CAMTA1: variants seen among roughly 807,000 people sequenced by gnomAD.
CAMTA1 encodes calmodulin-binding transcription activator 1.
CAMTA1 carries 27 observed loss-of-function variants against 170.9 expected under a neutral mutation model. That is an observed-to-expected ratio of 0.16 (90% CI 0.12 to 0.22). CAMTA1 has a LOEUF of 0.22. Ranked by LOEUF, CAMTA1 falls within the 10% of genes least tolerant of loss-of-function variation. The pLI, the probability that CAMTA1 is intolerant of heterozygous loss-of-function variation, is 1.00. For missense variants in CAMTA1, 1,619 were observed against 2,217.2 expected, an observed-to-expected ratio of 0.73 and a Z score of 5.42; for synonymous variants, 833 against 891.5, an observed-to-expected ratio of 0.93 and a Z score of 1.17.
At position 6,918,835 on chromosome 1, in the gene CAMTA1, G is replaced by A. The variant is rs2149311400; in HGVS notation, c.234+93625G>A. On this transcript the variant is annotated intron_variant, in intron 3 of 22. Coordinates refer to ENST00000303635, the MANE Select transcript of CAMTA1 (RefSeq NM_015215.4). This position sits in a 1 kb window ranked among gnomAD's most constrained non-coding sequence, Gnocchi z 4.0. ...GGAGGGTGGCTTGCTGCCACTTGAT[G>A]CAGAGAAGAAAGGAGGGTCTGAATC... 6.6e-6 allele frequency among the ~76,000 whole-genome samples: 1 copy of A among 152,296 alleles called. No individual in the cohort carries two copies. Among genetic ancestry groups the A allele is most frequent in the South Asian group, 2.1e-4 (1 of 4,828 alleles).
chr1:6,806,500 AC>A (rs1644523460), intron 1 of CAMTA1, among the ~76,000 whole-genome samples: 1 of 152,194 alleles, frequency 6.6e-6, no homozygotes, highest in Admixed American at 6.5e-5. Flanking sequence ...GTCCTGGCTA[AC>A]TCAGACACCC....
At chr1:7,653,861 A>C (rs2095862588) in intron 7 of CAMTA1, among the ~76,000 whole-genome samples, 1 of 152,018 alleles carries the variant, frequency 6.6e-6, no homozygotes, top group Non-Finnish European at 1.5e-5. Flanking sequence ...CAGGATCCAA[A>C]CTCCAGCTCC....
At chr1:7,154,375 G>C (rs1193392971) in intron 4 of CAMTA1, among the ~76,000 whole-genome samples, 1 of 152,102 alleles carries the variant, frequency 6.6e-6, no homozygotes, top group East Asian at 1.9e-4. Flanking sequence ...GCCTGTCTTA[G>C]ATTTCCTCTC....
chr1:7,507,862 C>A (rs1222036815), intron 6 of CAMTA1, among the ~76,000 whole-genome samples: 1 of 152,348 alleles, frequency 6.6e-6, no homozygotes, highest in South Asian at 2.1e-4. Flanking sequence ...CGGGTCTTCC[C>A]AGCTGGGCAC....
intron 6 of CAMTA1, among the ~76,000 whole-genome samples, chr1:7,502,319 T>C (rs578171733): frequency 6.6e-6 from 1 of 152,280 alleles, no homozygotes; most frequent in South Asian, 2.1e-4. Flanking sequence ...GGAAGGAACA[T>C]TTGCAGTCAG....
chr1:7,522,784 A>AAT (rs2094382798), intron 6 of CAMTA1, among the ~76,000 whole-genome samples: 1 of 152,114 alleles, frequency 6.6e-6, no homozygotes, highest in Non-Finnish European at 1.5e-5. Flanking sequence ...CCTCCATTTA[A>AAT]TTGCTTTTGT....
At chr1:7,495,218 A>T (rs1371662385) in intron 6 of CAMTA1, among the ~76,000 whole-genome samples, 1 of 152,218 alleles carries the variant, frequency 6.6e-6, no homozygotes, top group Non-Finnish European at 1.5e-5. Flanking sequence ...GAGACGGAAG[A>T]TCTGGAGAGT....
intron 3 of CAMTA1, among the ~76,000 whole-genome samples, chr1:6,976,918 A>G (rs1262779178): frequency 6.6e-6 from 1 of 152,056 alleles, no homozygotes; most frequent in East Asian, 1.9e-4. Context: ...ACAAAATCTG[A>G]TGGTTTTATA....
intron 5 of CAMTA1, among the ~76,000 whole-genome samples, chr1:7,306,849 TAAC>T (rs1191856927): frequency 4.6e-5 from 7 of 151,604 alleles, no homozygotes; most frequent in Admixed American, 1.3e-4. Context: ...TCAGAAAAAA[TAAC>T]AACAATAACA....
At chr1:7,123,343 C>T (rs575052411) in intron 4 of CAMTA1, among the ~76,000 whole-genome samples, 2 of 152,282 alleles carry the variant, frequency 1.3e-5, no homozygotes, top group South Asian at 4.2e-4. Context: ...AATTCTCCCT[C>T]TCCATAAGGA....
At chr1:7,707,410 C>G (rs1436493669) in intron 11 of CAMTA1, among the ~76,000 whole-genome samples, 1 of 152,200 alleles carries the variant, frequency 6.6e-6, no homozygotes, top group East Asian at 1.9e-4. Context: ...AGGTTTCACT[C>G]TGTCTCCCAG....
At chr1:7,522,196 G>A (rs1418841122) in intron 6 of CAMTA1, among the ~76,000 whole-genome samples, 1 of 152,148 alleles carries the variant, frequency 6.6e-6, no homozygotes, top group Non-Finnish European at 1.5e-5. Context: ...CATTTTGATA[G>A]GTATGTAGTA....
At chr1:7,130,616 A>C (rs998052322) in intron 4 of CAMTA1, among the ~76,000 whole-genome samples, 2 of 152,136 alleles carry the variant, frequency 1.3e-5, no homozygotes, top group Non-Finnish European at 2.9e-5. Context: ...ATTCTTGCTA[A>C]CCCTGGGGTG....
rs139958912 is a variant in CAMTA1 at position 7,405,173 on chromosome 1, T to A, written c.439-62657T>A. ...CAAGTAGGATGCGTCCTCCATGGAG[T>A]CTCTGCATTTTCTAACTCAATAATG... On this transcript the variant is annotated intron_variant, in intron 5 of 22. Coordinates refer to ENST00000303635, the MANE Select transcript of CAMTA1 (RefSeq NM_015215.4). Among the ~76,000 whole-genome samples the A allele has an allele frequency of 9.0e-3, 1,372 of 151,752 alleles. 19 individuals carry two copies. The highest frequency in any genetic ancestry group is 0.031 in the African/African-American group (1,289 of 41,340).
intron 6 of CAMTA1, among the ~76,000 whole-genome samples, chr1:7,540,111 G>A (rs2094592242): frequency 6.6e-6 from 1 of 152,176 alleles, no homozygotes; most frequent in East Asian, 1.9e-4. Context: ...TGATTCTGTT[G>A]CCATGATCTG....
intron 3 of CAMTA1, among the ~76,000 whole-genome samples, chr1:6,917,230 G>T (rs919713664): frequency 1.3e-5 from 2 of 152,100 alleles, no homozygotes; most frequent in East Asian, 1.9e-4. Flanking sequence ...CAGAGGGTTT[G>T]CAGTGTGGGG....
intron 4 of CAMTA1, among the ~76,000 whole-genome samples, chr1:7,188,317 T>C (rs1653854029): frequency 6.6e-6 from 1 of 152,212 alleles, no homozygotes; most frequent in African/African-American, 2.4e-5. Flanking sequence ...GAAATGCACC[T>C]AACATAACAT....
chr1:7,461,860 T>C (rs2149512704), intron 5 of CAMTA1, among the ~76,000 whole-genome samples: 1 of 152,360 alleles, frequency 6.6e-6, no homozygotes, highest in South Asian at 2.1e-4. Flanking sequence ...CCAAACGAAG[T>C]ACAATTGGAA....
At chr1:7,624,663 G>A (rs976922262) in intron 6 of CAMTA1, among the ~76,000 whole-genome samples, 9 of 152,206 alleles carry the variant, frequency 5.9e-5, no homozygotes, top group African/African-American at 2.2e-4. Flanking sequence ...CCATTCAGAT[G>A]CAGTCAACCC....
Sources: allele counts gnomAD v4.1 joint callset (sites outside exome capture counted in the v4.1 genomes callset), GRCh38; gene constraint gnomAD v4.1.1; non-coding constraint Gnocchi (gnomAD v3.1); transcripts MANE v1.5; gene names NCBI Gene and HGNC (gene_info 2026-07-23, HGNC 2026-07-21).